The following CPNE4 variants were observed in gnomAD, a reference collection of about 807,000 sequenced individuals.
The protein encoded by CPNE4 is copine-4.
Under a neutral mutation model 67.9 loss-of-function variants are expected in CPNE4, and 25 were observed. That is an observed-to-expected ratio of 0.37 (90% confidence interval 0.27 to 0.51). The LOEUF (loss-of-function observed/expected upper bound fraction) is 0.51, where lower values mean the gene tolerates loss of function less well. Ranked by LOEUF, CPNE4 falls within the 20% of genes least tolerant of loss-of-function variation. The pLI is 0.93. For missense variants in CPNE4, 464 were observed against 690.8 expected, an observed-to-expected ratio of 0.67 and a Z score of 3.68; for synonymous variants, 242 against 244.9, an observed-to-expected ratio of 0.99 and a Z score of 0.11.
At chr3:131,859,949 C>A (rs1439650409) in intron 2 of CPNE4, among the ~76,000 whole-genome samples, 2 of 152,118 alleles carry the variant, frequency 1.3e-5, no homozygotes, top group African/African-American at 4.8e-5. Flanking sequence ...CAGTGCAAAT[C>A]CATCCGCAGA....
intron 2 of CPNE4, among the ~76,000 whole-genome samples, chr3:131,836,559 G>T (rs959707689): frequency 7.2e-5 from 11 of 152,170 alleles, no homozygotes; most frequent in Admixed American, 5.9e-4. Flanking sequence ...AGGCAAGCAT[G>T]TCTACTCTCA....
chr3:131,855,454 T>C (rs17362844), intron 2 of CPNE4, among the ~76,000 whole-genome samples: 11,637 of 152,046 alleles, frequency 0.077, 585 homozygotes, highest in East Asian at 0.17. Context: ...CCAATAATTG[T>C]TCCATCTTTC....
At chr3:131,709,096 C>T (rs916215195) in intron 3 of CPNE4, among the ~76,000 whole-genome samples, 1 of 150,326 alleles carries the variant, frequency 6.7e-6, no homozygotes, top group African/African-American at 2.4e-5. Flanking sequence ...TACATGAATT[C>T]TGATATCAGG....
At chr3:131,907,361 T>C (rs1052133223) in intron 1 of CPNE4, among the ~76,000 whole-genome samples, 3 of 151,944 alleles carry the variant, frequency 2.0e-5, no homozygotes, top group African/African-American at 7.3e-5. Context: ...TGGGAATAAT[T>C]CCTCTCTCTC....
At chr3:131,812,241 G>A (rs910631146) in intron 2 of CPNE4, among the ~76,000 whole-genome samples, 7 of 148,868 alleles carry the variant, frequency 4.7e-5, no homozygotes, top group Non-Finnish European at 1.0e-4. Flanking sequence ...AAAACAGGAA[G>A]CATTTACATA....
At chr3:131,808,213 A>G (rs1055910063) in intron 2 of CPNE4, among the ~76,000 whole-genome samples, 8 of 152,210 alleles carry the variant, frequency 5.3e-5, no homozygotes, top group African/African-American at 1.9e-4. Context: ...AAAACACACA[A>G]AAATGCAAGA....
chr3:131,720,173 A>G (rs1248823123), intron 3 of CPNE4, among the ~76,000 whole-genome samples: 1 of 151,624 alleles, frequency 6.6e-6, no homozygotes, highest in East Asian at 1.9e-4. Flanking sequence ...CGGCATCTGT[A>G]TTTCTTTGCT....
At chr3:131,869,418 G>A (rs1007320697) in intron 2 of CPNE4, among the ~76,000 whole-genome samples, 3 of 152,072 alleles carry the variant, frequency 2.0e-5, no homozygotes, top group African/African-American at 7.2e-5. Flanking sequence ...ATTTCTAACA[G>A]TAATACTATT....
At chr3:131,979,816 C>G (rs2072859788) in intron 1 of CPNE4, among the ~76,000 whole-genome samples, 1 of 151,634 alleles carries the variant, frequency 6.6e-6, no homozygotes, top group Non-Finnish European at 1.5e-5. Flanking sequence ...TTTAAAGAGA[C>G]TCTGTTGTGA....
chr3:131,741,263 C>G (rs935369658), intron 2 of CPNE4, among the ~76,000 whole-genome samples: 4 of 152,030 alleles, frequency 2.6e-5, no homozygotes, highest in African/African-American at 9.7e-5. Context: ...CCAAGCAGAG[C>G]AAATGCAGGG....
At chr3:131,837,054 A>G (rs2108009373) in intron 2 of CPNE4, among the ~76,000 whole-genome samples, 1 of 152,316 alleles carries the variant, frequency 6.6e-6, no homozygotes, top group Non-Finnish European at 1.5e-5. Context: ...GCATTGCTAA[A>G]ATAATGGCAA....
At chr3:131,905,881 G>A (rs1944754312) in intron 1 of CPNE4, among the ~76,000 whole-genome samples, 1 of 152,112 alleles carries the variant, frequency 6.6e-6, no homozygotes, top group Non-Finnish European at 1.5e-5. Flanking sequence ...GTGATGGCAT[G>A]GAGAAGTATA....
At chr3:131,999,722 G>A (rs551841085) in intron 1 of CPNE4, among the ~76,000 whole-genome samples, 1 of 151,938 alleles carries the variant, frequency 6.6e-6, no homozygotes, top group Admixed American at 6.6e-5. Flanking sequence ...AACTGGCACT[G>A]GTTTAAAGGA....
chr3:131,997,195 A>T (rs1023843932), intron 1 of CPNE4, among the ~76,000 whole-genome samples: 3 of 152,134 alleles, frequency 2.0e-5, no homozygotes, highest in Non-Finnish European at 4.4e-5. Context: ...TCTATTTGTA[A>T]CCAATAATGG....
intron 1 of CPNE4, among the ~76,000 whole-genome samples, chr3:131,954,342 T>C (rs140060990): frequency 0.021 from 3,251 of 152,268 alleles, 116 homozygotes; most frequent in African/African-American, 0.073. Flanking sequence ...CATTTAGAAT[T>C]AAACCACATA....
chr3:131,776,567 T>G (rs1294376052), intron 2 of CPNE4, among the ~76,000 whole-genome samples: 1 of 152,126 alleles, frequency 6.6e-6, no homozygotes, highest in Non-Finnish European at 1.5e-5. Flanking sequence ...ACTGTTCCAG[T>G]CAGCTTCAAA....
rs146052116 is a variant in CPNE4 at position 131,886,490 on chromosome 3, C to A, written c.180+18774G>T. 4.8e-3 allele frequency among the ~76,000 whole-genome samples: 728 copies of A among 152,340 alleles called. 9 individuals carry two copies. Among genetic ancestry groups the A allele is most frequent in the African/African-American group, 0.015 (642 of 41,584 alleles). On this transcript the variant is annotated intron_variant, in intron 2 of 15. Transcript: ENST00000429747. ...TCATAGCCCCCACACAGAGTCCCTA[C>A]TGGGGCATCGCCAGAGGAGCTGTGA...
At chr3:131,566,264 G>T (rs1289862565) in intron 10 of CPNE4, among the ~76,000 whole-genome samples, 2 of 151,826 alleles carry the variant, frequency 1.3e-5, no homozygotes, top group Non-Finnish European at 2.9e-5. Flanking sequence ...ACCAAAATGG[G>T]TGTAAAACTT....
At chr3:131,999,101 A>G (rs779371646) in intron 1 of CPNE4, among the ~76,000 whole-genome samples, 13 of 151,966 alleles carry the variant, frequency 8.6e-5, no homozygotes, top group Non-Finnish European at 1.6e-4. Flanking sequence ...TTTCATACAC[A>G]GAAAATAGCA....
Sources: allele counts gnomAD v4.1 joint callset (sites outside exome capture counted in the v4.1 genomes callset), GRCh38; gene constraint gnomAD v4.1.1; transcripts MANE v1.5; gene names NCBI Gene and HGNC (gene_info 2026-07-23, HGNC 2026-07-21).